Variants in GPR183 observed in about 807,000 individuals in gnomAD.
GPR183 encodes the protein EBV-induced G-protein coupled receptor 2.
A neutral mutation model predicts 19.7 loss-of-function variants in GPR183; 9 were observed. The observed-to-expected ratio is 0.46, with a 90% CI of 0.28 to 0.80. The LOEUF (loss-of-function observed/expected upper bound fraction) is 0.80, where lower values mean the gene tolerates loss of function less well. GPR183 is among the 30% of genes least tolerant of loss of function. The pLI is 0.13. For synonymous variants in GPR183, 160 were observed against 155.1 expected, an observed-to-expected ratio of 1.03 and a Z score of -0.24; for missense variants, 368 against 446.7, an observed-to-expected ratio of 0.82 and a Z score of 1.59.
chr13:99,306,741 C>CTT (rs1218277031), intron 1 of GPR183, among the ~76,000 whole-genome samples: 1 of 152,034 alleles, frequency 6.6e-6, no homozygotes, highest in South Asian at 2.1e-4. Context: ...ACACAACAGA[C>CTT]TTTTTTTTCA....
intron 1 of GPR183, among the ~76,000 whole-genome samples, chr13:99,299,461 C>T (rs1566491812): frequency 1.3e-5 from 2 of 150,134 alleles, no homozygotes; most frequent in Non-Finnish European, 3.0e-5. Context: ...CACACACACA[C>T]GCACACACAC....
chr13:99,297,829 T>C (rs2044199148), intron 1 of GPR183, among the ~76,000 whole-genome samples: 1 of 150,022 alleles, frequency 6.7e-6, no homozygotes, highest in Non-Finnish European at 1.5e-5. Flanking sequence ...AAATTCCAGC[T>C]GTTTGCTGCT....
At position 99,295,167 on chromosome 13, in the gene GPR183, C is replaced by G; in HGVS notation, c.979G>C (p.Val327Leu). The change falls in exon 2 of 2, where the codon GTC (valine) becomes CTC (leucine). Residue 327 changes from valine to leucine, a missense_variant. By Grantham distance (32) the Val-to-Leu change is conservative. Coordinates refer to ENST00000376414, the MANE Select transcript of GPR183 (RefSeq NM_004951.5). This position sits in a 1 kb window ranked among gnomAD's most constrained non-coding sequence, Gnocchi z 4.1. ...RKVMRMLKRQ[V>L]SVSISSAVKS... ...ACAGCACTAGAAATCGATACACTGACTTGCCGTTTCAGCATCCTCATAACC... is the reference window on the plus strand; with the variant it reads ...ACAGCACTAGAAATCGATACACTGAGTTGCCGTTTCAGCATCCTCATAACC... 1 of 1,614,158 alleles carries G rather than the reference C, an allele frequency of 6.2e-7. No individual in the cohort carries two copies. Among genetic ancestry groups the G allele is most frequent in the Non-Finnish European group, 8.5e-7 (1 of 1,180,000 alleles).
chr13:99,298,929 C>A (rs2044216619), intron 1 of GPR183, among the ~76,000 whole-genome samples: 1 of 151,968 alleles, frequency 6.6e-6, no homozygotes, highest in African/African-American at 2.4e-5. Context: ...TTTCTAAGTT[C>A]TTTGAAAATG....
At chr13:99,296,886 A>G (rs1031438220) in intron 1 of GPR183, among the ~76,000 whole-genome samples, 1 of 152,204 alleles carries the variant, frequency 6.6e-6, no homozygotes, top group Non-Finnish European at 1.5e-5. Flanking sequence ...AACTCTATCA[A>G]TCTGCAAGTA....
At chr13:99,299,327 G>T (rs1777796254) in intron 1 of GPR183, among the ~76,000 whole-genome samples, 1 of 152,202 alleles carries the variant, frequency 6.6e-6, no homozygotes, top group South Asian at 2.1e-4. Flanking sequence ...CAGCCATGCA[G>T]TGAATACAGT....
At chr13:99,296,514 G>A (rs758422146) in intron 1 of GPR183, among the ~76,000 whole-genome samples, 1 of 152,068 alleles carries the variant, frequency 6.6e-6, no homozygotes, top group Non-Finnish European at 1.5e-5. Context: ...TCCCTTTTTT[G>A]AATCATTGTC....
chr13:99,297,341 G>A (rs1164100303), intron 1 of GPR183, among the ~76,000 whole-genome samples: 1 of 152,076 alleles, frequency 6.6e-6, no homozygotes, highest in Non-Finnish European at 1.5e-5. Flanking sequence ...CCAAAATTAA[G>A]GGGCACTTTC....
rs1266535789 is a variant in GPR183 at position 99,295,201 on chromosome 13, A to G, written c.945T>C (p.Tyr315=). Residue 315 remains tyrosine (Y), a synonymous_variant, in exon 2 of 2, where the codon TAT becomes TAC. Transcript: ENST00000376414. This position sits in a 1 kb window ranked among gnomAD's most constrained non-coding sequence, Gnocchi z 4.1. ...PFIYFFACKG[Y]KRKVMRMLKR... is the part of the protein sequence containing the mutation. ...TCAGCATCCTCATAACCTTTCTCTT[A>G]TACCCTTTACATGCAAAGAAGTAGA... 4 of 1,614,158 alleles carry G rather than the reference A, an allele frequency of 2.5e-6. No individual in the cohort carries two copies. The highest frequency in any genetic ancestry group is 3.4e-6 in the Non-Finnish European group (4 of 1,180,018).
At chr13:99,296,918 A>G (rs1326935024) in intron 1 of GPR183, among the ~76,000 whole-genome samples, 6 of 152,306 alleles carry the variant, frequency 3.9e-5, no homozygotes, top group African/African-American at 1.4e-4. Context: ...CATGCAATCT[A>G]TACTTCTACC....
At chr13:99,306,063 CT>C in intron 1 of GPR183, among the ~76,000 whole-genome samples, 1 of 151,994 alleles carries the variant, frequency 6.6e-6, no homozygotes, top group African/African-American at 2.4e-5. Context: ...GCCTGGCTAA[CT>C]TTTATATTTT....
chr13:99,307,092 G>C (rs1034051110), intron 1 of GPR183, among the ~76,000 whole-genome samples: 3 of 152,104 alleles, frequency 2.0e-5, no homozygotes, highest in African/African-American at 7.2e-5. Context: ...AGTACATGAA[G>C]TGAGCCCTAT....
At chr13:99,301,636 C>T (rs990880659) in intron 1 of GPR183, among the ~76,000 whole-genome samples, 21 of 151,274 alleles carry the variant, frequency 1.4e-4, no homozygotes, top group Non-Finnish European at 2.2e-4. Context: ...TCTTTCTAGC[C>T]GCAAAAGGAA....
At chr13:99,302,486 T>C (rs2044270150) in intron 1 of GPR183, among the ~76,000 whole-genome samples, 1 of 152,244 alleles carries the variant, frequency 6.6e-6, no homozygotes, top group Admixed American at 6.5e-5. Flanking sequence ...CTTCCTCTGG[T>C]TACCTGGTTT....
At chr13:99,297,024 A>G (rs1161667708) in intron 1 of GPR183, among the ~76,000 whole-genome samples, 1 of 152,194 alleles carries the variant, frequency 6.6e-6, no homozygotes, top group African/African-American at 2.4e-5. Flanking sequence ...TTTGTCGTGT[A>G]TATTTTATAT....
In GPR183 at chr13:99,295,102, T is replaced by C; in HGVS notation, c.1044A>G (p.Glu348=). Residue 348 remains glutamate (E), a synonymous_variant, in exon 2 of 2, where the codon GAA becomes GAG. Coordinates refer to ENST00000376414, the MANE Select transcript of GPR183 (RefSeq NM_004951.5). The surrounding 1 kb of genome is among the most constrained non-coding windows in gnomAD (Gnocchi z 4.1). ...ACTTGGAATGTATCATCATCTGCGT[T>C]TCTGTCATTTCACGTGAATTTTCTT... ...APEENSREMT[E]TQMMIHSKSS... is the part of the protein sequence containing the mutation. 1 of 1,614,110 alleles carries C rather than the reference T, an allele frequency of 6.2e-7. No individual in the cohort carries two copies. Among genetic ancestry groups the C allele is most frequent in the Non-Finnish European group, 8.5e-7 (1 of 1,179,972 alleles).
chr13:99,295,658 G>A lies in GPR183; in HGVS notation c.488C>T (p.Thr163Ile). 1 of 1,614,126 alleles carries A rather than the reference G, an allele frequency of 6.2e-7. No individual in the cohort carries two copies. The highest frequency in any genetic ancestry group is 1.1e-5 in the South Asian group (1 of 91,076). The change falls in exon 2 of 2, where the codon ACA becomes ATA. Residue 163 changes from threonine (T) to isoleucine (I), a missense_variant. Transcript: ENST00000376414. The surrounding 1 kb of genome is among the most constrained non-coding windows in gnomAD (Gnocchi z 4.1). ...IFVWILVFAQ[T>I]LPLLINPMSK... Reference sequence around the variant, plus strand: ...CATAGGGTTGATGAGGAGTGGGAGTGTCTGAGCAAATACTAGAATCCAGAC... The same window carrying A: ...CATAGGGTTGATGAGGAGTGGGAGTATCTGAGCAAATACTAGAATCCAGAC...
rs1489024791 is a variant in GPR183 at position 99,296,920 on chromosome 13, A to C, written c.-18-757T>G. ...TACTCCATGGATCCATGCAATCTAT[A>C]CTTCTACCTTTGCACATAGTAGCAA... On this transcript the variant is annotated intron_variant, in intron 1 of 1. Coordinates refer to ENST00000376414, the MANE Select transcript of GPR183 (RefSeq NM_004951.5). Among the ~76,000 whole-genome samples, 4 of 152,136 alleles carry C rather than the reference A, an allele frequency of 2.6e-5. No homozygotes were observed. In the East Asian group the frequency reaches 7.7e-4, roughly 29 times the overall value.
chr13:99,304,815 T>G (rs745602534), intron 1 of GPR183, among the ~76,000 whole-genome samples: 1 of 152,190 alleles, frequency 6.6e-6, no homozygotes, highest in Non-Finnish European at 1.5e-5. Flanking sequence ...GCTTCAGAAG[T>G]CACATTCAGT....
Sources: gnomAD v4.1 joint callset for allele counts (sites outside exome capture counted in the v4.1 genomes callset) on GRCh38, gnomAD v4.1.1 for gene constraint, Gnocchi (gnomAD v3.1) non-coding constraint, MANE v1.5 for transcripts, NCBI Gene and HGNC (gene_info 2026-07-23, HGNC 2026-07-21) for gene names.